Variants in BMPR2 observed in about 807,000 individuals in gnomAD.
The protein encoded by BMPR2 is bone morphogenetic protein receptor type 2.
In BMPR2, 29 loss-of-function variants were observed where a neutral mutation model predicts 100.8. That is an observed-to-expected ratio of 0.29 (90% confidence interval 0.21 to 0.39). The LOEUF (loss-of-function observed/expected upper bound fraction) is 0.39. Ranked by LOEUF, BMPR2 falls within the 10% of genes least tolerant of loss-of-function variation. The pLI is 1.00. For missense variants in BMPR2, 1,011 were observed against 1,274.5 expected, an observed-to-expected ratio of 0.79 and a Z score of 3.15; for synonymous variants, 382 against 442.3, an observed-to-expected ratio of 0.86 and a Z score of 1.71.
intron 1 of BMPR2, among the ~76,000 whole-genome samples, chr2:202,431,492 AT>A (rs1251107381): frequency 1.3e-5 from 2 of 150,752 alleles, no homozygotes; most frequent in African/African-American, 5.0e-5. Context: ...AAAATTGAAA[AT>A]GTAAAACATT....
intron 1 of BMPR2, among the ~76,000 whole-genome samples, chr2:202,405,443 C>G (rs754067136): frequency 2.4e-4 from 36 of 152,148 alleles, no homozygotes; most frequent in Admixed American, 9.8e-4. Context: ...AATCCCAGCA[C>G]TTTGGAGGGC....
chr2:202,394,626 G>A (rs555743403), intron 1 of BMPR2, among the ~76,000 whole-genome samples: 1 of 152,018 alleles, frequency 6.6e-6, no homozygotes, highest in Non-Finnish European at 1.5e-5. Context: ...AACAGAATAA[G>A]TACTTTGTCT....
rs1323942629 is a variant in BMPR2, at chr2:202,535,175, C to T, written c.1276+2443C>T. Among the ~76,000 whole-genome samples, 48 of 139,490 alleles carry T rather than the reference C, an allele frequency of 3.4e-4. 2 individuals carry two copies. In the East Asian group the frequency reaches 0.01, roughly 30 times the overall value. 91.5% of individuals were successfully genotyped at this position (139,490 alleles called of 152,430 possible). On this transcript the variant is annotated intron_variant, in intron 9 of 12. Transcript: ENST00000374580. ...CTCCCGGATGGGGCGGCTGGCCTGGCGGGGGGCTGACCCCCCCCACCTCCC... is the reference window on the plus strand; with the variant it reads ...CTCCCGGATGGGGCGGCTGGCCTGGTGGGGGGCTGACCCCCCCCACCTCCC...
chr2:202,451,420 C>T (rs1277322932), intron 1 of BMPR2, among the ~76,000 whole-genome samples: 1 of 152,146 alleles, frequency 6.6e-6, no homozygotes, highest in Non-Finnish European at 1.5e-5. Flanking sequence ...CAATTCCAGC[C>T]GGACACAGTG....
intron 1 of BMPR2, among the ~76,000 whole-genome samples, chr2:202,383,418 C>T (rs1331733385): frequency 5.3e-5 from 8 of 152,056 alleles, no homozygotes; most frequent in Admixed American, 1.3e-4. Flanking sequence ...CCATGGCTCA[C>T]GCTTGTAATC....
At chr2:202,465,032 T>C in intron 2 of BMPR2, 53 bp downstream of exon 2, 1 of 1,596,384 alleles carries the variant, frequency 6.3e-7, no homozygotes. Flanking sequence ...AATTGATATT[T>C]ATCTAAAAAG....
At chr2:202,461,303 C>A (rs1437482721) in intron 1 of BMPR2, among the ~76,000 whole-genome samples, 2 of 152,064 alleles carry the variant, frequency 1.3e-5, no homozygotes, top group South Asian at 4.1e-4. Context: ...GCTTGGCCAA[C>A]ATGAAACCTC....
At chr2:202,548,068 G>A (rs1239546789) in intron 10 of BMPR2, among the ~76,000 whole-genome samples, 1 of 112,962 alleles carries the variant, frequency 8.9e-6, no homozygotes, top group African/African-American at 3.5e-5. Context: ...CTGAGCAACA[G>A]AGTAAGATTC....
chr2:202,495,199 C>T lies in BMPR2; in HGVS notation c.419-18520C>T, dbSNP rs886809167. On this transcript the variant is annotated intron_variant, in intron 3 of 12. Transcript: ENST00000374580. This position sits in a 1 kb window ranked among gnomAD's most constrained non-coding sequence, Gnocchi z 4.5. ...AGGGATTTCTGTATCCCAGGGTTTC[C>T]TGCCTTGGTGTACGGGAAGAGTCGG... Among the ~76,000 whole-genome samples, 26 of 152,174 alleles carry T rather than the reference C, an allele frequency of 1.7e-4. No individual in the cohort carries two copies. The highest frequency in any genetic ancestry group is 6.0e-4 in the African/African-American group (25 of 41,450).
chr2:202,516,063 A>C (rs972024274), intron 5 of BMPR2, among the ~76,000 whole-genome samples: 3 of 152,170 alleles, frequency 2.0e-5, no homozygotes, highest in Non-Finnish European at 4.4e-5. Flanking sequence ...ATAGATACAT[A>C]AGGCTCTTTT....
At chr2:202,544,812 T>C (rs1388482764) in intron 10 of BMPR2, among the ~76,000 whole-genome samples, 1 of 143,500 alleles carries the variant, frequency 7.0e-6, no homozygotes, top group East Asian at 2.1e-4. Flanking sequence ...TCATTCTGGC[T>C]GGAGTATAGT....
At chr2:202,387,620 C>T (rs1690456257) in intron 1 of BMPR2, among the ~76,000 whole-genome samples, 1 of 152,158 alleles carries the variant, frequency 6.6e-6, no homozygotes, top group South Asian at 2.1e-4. Context: ...CTGTAAATGA[C>T]AGCAAATATC....
At chr2:202,424,959 A>AT (rs958893824) in intron 1 of BMPR2, among the ~76,000 whole-genome samples, 53 of 145,472 alleles carry the variant, frequency 3.6e-4, no homozygotes, top group South Asian at 4.4e-4. Context: ...TTGAGCAAAC[A>AT]TTTTTTTTTT....
intron 9 of BMPR2, among the ~76,000 whole-genome samples, chr2:202,534,703 CCCCACCTTT>C (rs1271642672): frequency 2.0e-3 from 299 of 152,326 alleles, no homozygotes; most frequent in African/African-American, 6.7e-3. Flanking sequence ...TCAATCTTTT[CCCCACCTTT>C]CCCGCCTTTC....
intron 1 of BMPR2, among the ~76,000 whole-genome samples, chr2:202,419,444 C>T (rs1282516357): frequency 6.6e-6 from 1 of 152,148 alleles, no homozygotes; most frequent in East Asian, 1.9e-4. Context: ...GCAACCTCTG[C>T]TGCCCAGGTT....
At chr2:202,427,109 A>T (rs1021046218) in intron 1 of BMPR2, among the ~76,000 whole-genome samples, 3 of 152,170 alleles carry the variant, frequency 2.0e-5, no homozygotes, top group African/African-American at 7.2e-5. Flanking sequence ...CCAAAACTTT[A>T]GGAGGCCGAG....
chr2:202,376,511 A>AGGCGGCGGCGGCGGC lies in BMPR2; in HGVS notation c.-942_-928dup, dbSNP rs375624016. 8.6e-4 allele frequency among the ~76,000 whole-genome samples: 108 copies of AGGCGGCGGCGGCGGC among 125,864 alleles called. No homozygotes were observed. Among genetic ancestry groups the AGGCGGCGGCGGCGGC allele is most frequent in the South Asian group, 1.7e-3 (5 of 2,942 alleles). The allele number at this position is 125,864 out of a possible 152,430, so 82.6% of individuals were successfully genotyped here. Reference sequence around the variant, plus strand: ...AGGAGCCCAGAGCTGCGGGAGAACGAGGCGGCGGCGGCGGCGGCGGCGGCG... The same window carrying AGGCGGCGGCGGCGGC: ...AGGAGCCCAGAGCTGCGGGAGAACGAGGCGGCGGCGGCGGCGGCGGCGGCGGCGGCGGCGGCGGCG... On this transcript the variant is annotated 5_prime_UTR_variant, in exon 1 of 13. Coordinates refer to ENST00000374580, the MANE Select transcript of BMPR2 (RefSeq NM_001204.7).
At chr2:202,474,415 C>T (rs979156095) in intron 3 of BMPR2, among the ~76,000 whole-genome samples, 9 of 151,764 alleles carry the variant, frequency 5.9e-5, no homozygotes, top group Non-Finnish European at 1.3e-4. Context: ...AAGCTGAGAT[C>T]GTGCCACTGC....
rs543831684 is a variant in BMPR2 at position 202,558,665 on chromosome 2, G to A, written c.2867-1031G>A. 4.0e-4 allele frequency among the ~76,000 whole-genome samples: 60 copies of A among 151,768 alleles called. 1 individual carries two copies. The highest frequency in any genetic ancestry group is 1.2e-3 in the East Asian group (6 of 5,088). Reference sequence around the variant, plus strand: ...TCCCAGCACTTTGGGAGGCTGAGGCGGGCGGATCACCTGAGGTCGGGAGTT... The same window carrying A: ...TCCCAGCACTTTGGGAGGCTGAGGCAGGCGGATCACCTGAGGTCGGGAGTT... On this transcript the variant is annotated intron_variant, in intron 12 of 12. Transcript: ENST00000374580.
Sources: allele counts gnomAD v4.1 joint callset (sites outside exome capture counted in the v4.1 genomes callset), GRCh38; gene constraint gnomAD v4.1.1; non-coding constraint Gnocchi (gnomAD v3.1); transcripts MANE v1.5; gene names NCBI Gene and HGNC (gene_info 2026-07-23, HGNC 2026-07-21).